HSD17B12: variants seen among roughly 807,000 people sequenced by gnomAD.
HSD17B12 encodes the protein hydroxysteroid 17-beta dehydrogenase 12.
In HSD17B12, 32 loss-of-function variants were observed where a neutral mutation model predicts 39.3. That is an observed-to-expected ratio of 0.81 (90% CI 0.61 to 1.09). The LOEUF is 1.09. Among genes scored for constraint, HSD17B12 ranks in the 50% least tolerant of loss-of-function variants. The pLI, the probability that HSD17B12 is intolerant of heterozygous loss-of-function variation, is 0.00. For missense variants in HSD17B12, 342 were observed against 382.9 expected (o/e 0.89, Z 0.89); for synonymous variants, 150 against 146.7 (o/e 1.02, Z -0.16).
the HSD17B12 span, among the ~76,000 whole-genome samples, chr11:43,661,321 G>A: frequency 6.6e-6 from 1 of 152,162 alleles, no homozygotes; most frequent in Non-Finnish European, 1.5e-5. Flanking sequence ...AAGGGCATTG[G>A]CCATAAGGAG....
chr11:43,674,643 A>G, the HSD17B12 span, among the ~76,000 whole-genome samples: 1 of 152,192 alleles, frequency 6.6e-6, no homozygotes, highest in African/African-American at 2.4e-5. Context: ...TCCAAAGTAC[A>G]TGTGTTTATT....
intron 1 of HSD17B12, among the ~76,000 whole-genome samples, chr11:43,701,390 T>C (rs533339327): frequency 3.9e-5 from 6 of 152,326 alleles, no homozygotes; most frequent in South Asian, 2.1e-4. Context: ...TGTAGGGTAT[T>C]GCTCAAGAAC....
At chr11:43,567,623 T>G in the HSD17B12 span, among the ~76,000 whole-genome samples, 1,431 of 152,306 alleles carry the variant, frequency 9.4e-3, 20 homozygotes, top group African/African-American at 0.029. Flanking sequence ...TATTCCGCCC[T>G]GCCTTGTGGG....
intron 9 of HSD17B12, among the ~76,000 whole-genome samples, chr11:43,843,878 C>T (rs940594326): frequency 3.3e-5 from 5 of 152,166 alleles, no homozygotes; most frequent in African/African-American, 9.7e-5. Flanking sequence ...GAGAACAGGG[C>T]TTTTTATCTT....
chr11:43,603,600 G>A, the HSD17B12 span, among the ~76,000 whole-genome samples: 11 of 152,122 alleles, frequency 7.2e-5, no homozygotes, highest in African/African-American at 2.2e-4. Context: ...TGTTGTAAGT[G>A]ATGGGTTATA....
chr11:43,611,329 G>A, the HSD17B12 span, among the ~76,000 whole-genome samples: 1 of 152,234 alleles, frequency 6.6e-6, no homozygotes, highest in Non-Finnish European at 1.5e-5. Flanking sequence ...ATCCCATAGA[G>A]GTGATCTCAT....
intron 3 of HSD17B12, among the ~76,000 whole-genome samples, chr11:43,764,665 T>C (rs781283609): frequency 2.6e-5 from 4 of 152,180 alleles, no homozygotes; most frequent in Non-Finnish European, 5.9e-5. Context: ...TCTTTATCAT[T>C]ATGGAATGAC....
chr11:43,722,325 C>T (rs1387132461), intron 1 of HSD17B12, among the ~76,000 whole-genome samples: 2 of 152,092 alleles, frequency 1.3e-5, no homozygotes, highest in African/African-American at 4.8e-5. Flanking sequence ...GAAGACTTTG[C>T]CATTACTTGG....
chr11:43,813,388 G>A (rs879731149), intron 4 of HSD17B12, among the ~76,000 whole-genome samples: 14 of 152,088 alleles, frequency 9.2e-5, no homozygotes, highest in Non-Finnish European at 1.8e-4. Flanking sequence ...ATAGGCTAGA[G>A]GGAAATCTGA....
chr11:43,587,154 G>A, the HSD17B12 span, among the ~76,000 whole-genome samples: 1 of 152,134 alleles, frequency 6.6e-6, no homozygotes, highest in African/African-American at 2.4e-5. Context: ...AAAATTAAGT[G>A]CTTTGGAGGT....
chr11:43,797,029 C>T (rs1950922095), intron 3 of HSD17B12, among the ~76,000 whole-genome samples: 1 of 152,094 alleles, frequency 6.6e-6, no homozygotes, highest in African/African-American at 2.4e-5. Context: ...GTAAGTATAC[C>T]TTTAACACCA....
intron 1 of HSD17B12, among the ~76,000 whole-genome samples, chr11:43,686,565 C>T (rs563143348): frequency 4.6e-4 from 69 of 151,242 alleles, no homozygotes; most frequent in Non-Finnish European, 7.4e-4. Context: ...CCTCACTCCC[C>T]TCCCGACTAG....
intron 4 of HSD17B12, among the ~76,000 whole-genome samples, chr11:43,805,351 T>A (rs1290716585): frequency 3.3e-5 from 5 of 152,216 alleles, no homozygotes; most frequent in African/African-American, 9.6e-5. Flanking sequence ...CAGTTGGCTA[T>A]TTTAGTTAGT....
chr11:43,817,036 A>G (rs1239389280), intron 6 of HSD17B12, among the ~76,000 whole-genome samples: 1 of 24,390 alleles, frequency 4.1e-5, no homozygotes, highest in Non-Finnish European at 1.2e-4. Context: ...ATCTATATCT[A>G]TATCTATATA....
At chr11:43,698,374 A>G (rs1949931929) in intron 1 of HSD17B12, among the ~76,000 whole-genome samples, 1 of 152,348 alleles carries the variant, frequency 6.6e-6, no homozygotes, top group African/African-American at 2.4e-5. Flanking sequence ...GTTCTAAATT[A>G]GATGCTATAT....
At chr11:43,642,031 A>G in the HSD17B12 span, among the ~76,000 whole-genome samples, 1 of 151,846 alleles carries the variant, frequency 6.6e-6, no homozygotes, top group African/African-American at 2.4e-5. Flanking sequence ...TAACATATAT[A>G]TATTCTTAAA....
chr11:43,775,353 C>T (rs1366575856), intron 3 of HSD17B12, among the ~76,000 whole-genome samples: 1 of 152,192 alleles, frequency 6.6e-6, no homozygotes, highest in Non-Finnish European at 1.5e-5. Context: ...GTAATACATA[C>T]TCCTAGGATC....
Position 43,812,205 on chromosome 11 carries a change from A to G in HSD17B12, c.392-3232A>G, listed in dbSNP as rs145398747. Among the ~76,000 whole-genome samples, 1,150 of 152,328 alleles carry G rather than the reference A, an allele frequency of 7.5e-3. 10 individuals are homozygous for G. The highest frequency in any genetic ancestry group is 0.012 in the Non-Finnish European group (809 of 68,026). On this transcript the variant is annotated intron_variant, in intron 4 of 10. Transcript: ENST00000278353. ...ACGGGGGTGCAGGTATCTATTTGAT[A>G]TACTGATTTATTTTCCTTTGGATAA... is the stretch of plus-strand genomic sequence containing the variant.
At chr11:43,562,976 TCTTCCCTCAG>T in the HSD17B12 span, among the ~76,000 whole-genome samples, 1 of 152,044 alleles carries the variant, frequency 6.6e-6, no homozygotes, top group Non-Finnish European at 1.5e-5. Flanking sequence ...AAGACTTGAG[TCTTCCCTCAG>T]CTGAAGTAGA....
Sources: gnomAD v4.1 joint callset for allele counts (sites outside exome capture counted in the v4.1 genomes callset) on GRCh38, gnomAD v4.1.1 for gene constraint, MANE v1.5 for transcripts, NCBI Gene and HGNC (gene_info 2026-07-23, HGNC 2026-07-21) for gene names.